The following ASXL3 variants were observed in gnomAD, a reference collection of about 807,000 sequenced individuals.
ASXL3 encodes putative Polycomb group protein ASXL3.
A neutral mutation model predicts 170.6 loss-of-function variants in ASXL3; 34 were observed. That is an observed-to-expected ratio of 0.20 (90% CI 0.15 to 0.27). ASXL3 has a LOEUF of 0.27. Ranked by LOEUF, ASXL3 falls within the 10% of genes least tolerant of loss-of-function variation. The pLI is 1.00. For missense variants in ASXL3, 2,592 were observed against 2,695.3 expected (o/e 0.96, Z 0.85); for synonymous variants, 1,002 against 989.1 (o/e 1.01, Z -0.24).
intron 2 of ASXL3, chr18:33,608,939 C>A (rs563984839): frequency 5.6e-6 from 4 of 711,626 alleles, no homozygotes; most frequent in African/African-American, 1.9e-5. Flanking sequence ...GTACAGGACA[C>A]CTATGCTCAA....
At chr18:33,617,944 T>A (rs564869173) in intron 2 of ASXL3, among the ~76,000 whole-genome samples, 1 of 152,266 alleles carries the variant, frequency 6.6e-6, no homozygotes, top group African/African-American at 2.4e-5. Flanking sequence ...AGTGGAGCTC[T>A]TCTCTTCCTC....
At position 33,745,529 on chromosome 18, in the gene ASXL3, T is replaced by G; in HGVS notation, c.5681T>G (p.Val1894Gly). 1 of 1,613,764 alleles carries G rather than the reference T, an allele frequency of 6.2e-7. No individual in the cohort carries two copies. Among genetic ancestry groups the G allele is most frequent in the Non-Finnish European group, 8.5e-7 (1 of 1,179,842 alleles). The part of the protein sequence containing the change: ...MQNRIVHSPE[V>G]KQQKRLLPSC... The stretch of plus-strand genomic sequence containing the variant: ...AACAGAATTGTTCACAGCCCTGAGG[T>G]CAAACAGCAAAAGCGGCTGCTCCCC... Residue 1894 changes from valine to glycine, a missense_variant, in exon 12 of 12, where the codon GTC becomes GGC. This residue lies in a region of ASXL3 where 2,246 missense variants were observed against 2,219.6 expected (regional missense o/e 1.01). Transcript: ENST00000269197.
At chr18:33,678,700 A>G (rs1040506348) in intron 7 of ASXL3, among the ~76,000 whole-genome samples, 2 of 152,214 alleles carry the variant, frequency 1.3e-5, no homozygotes, top group Admixed American at 6.5e-5. Flanking sequence ...AAATGACTAC[A>G]TCTTTTTTCC....
intron 8 of ASXL3, among the ~76,000 whole-genome samples, chr18:33,727,596 A>C (rs2067372701): frequency 6.6e-6 from 1 of 152,142 alleles, no homozygotes; most frequent in African/African-American, 2.4e-5. Flanking sequence ...TTCTCCTCCT[A>C]ATGAAATAGG....
In ASXL3 at chr18:33,744,316, T is replaced by C. The variant is rs763012211; in HGVS notation, c.4468T>C (p.Ser1490Pro). The stretch of plus-strand genomic sequence containing the variant: ...GACCTCCAGTTTGTCTCTGACTGTC[T>C]CCGTTGAAAGCTCAGAAGCCAGCTT... ...TLTSSLSLTV[S>P]VESSEASLDL... is the part of the protein sequence containing the mutation. The change falls in exon 12 of 12, where the codon TCC (serine) becomes CCC (proline). Residue 1490 changes from serine to proline, a missense_variant. Ser to Pro is a moderately conservative substitution (Grantham distance 74). Transcript: ENST00000269197. 2 of 1,613,870 alleles carry C rather than the reference T, an allele frequency of 1.2e-6. No homozygotes were observed. The highest frequency in any genetic ancestry group is 2.7e-5 in the African/African-American group (2 of 74,920).
At chr18:33,618,739 T>C (rs904243317) in intron 2 of ASXL3, among the ~76,000 whole-genome samples, 1 of 152,166 alleles carries the variant, frequency 6.6e-6, no homozygotes, top group African/African-American at 2.4e-5. Context: ...TTCAGCCTCT[T>C]CTCTGTGAAG....
Position 33,736,445 on chromosome 18 carries a change from C to T in ASXL3, c.1082+2030C>T, listed in dbSNP as rs374947113. Among the ~76,000 whole-genome samples the T allele has an allele frequency of 9.7e-4, 147 of 152,162 alleles. 3 individuals carry two copies. Among genetic ancestry groups the T allele is most frequent in the African/African-American group, 3.1e-3 (129 of 41,512 alleles). On this transcript the variant is annotated intron_variant, in intron 10 of 11. Transcript: ENST00000269197. ...TTCATCACATGTTGCATGGCAGATA[C>T]ATTTTGAACATTTCATTGACTGCCC...
rs567969303 is a variant in ASXL3, at chr18:33,590,111, G to GTTTTTTTTTTTT, written c.54+11434_54+11445dup. Among the ~76,000 whole-genome samples the GTTTTTTTTTTTT allele has an allele frequency of 1.3e-3, 106 of 83,132 alleles. 4 individuals carry two copies. The highest frequency in any genetic ancestry group is 6.9e-3 in the African/African-American group (100 of 14,502). The allele number at this position is 83,132 out of a possible 152,430, so 54.5% of individuals were successfully genotyped here. ...TGTCGTCAAGGTATTTGCTTTCTAT[G>GTTTTTTTTTTTT]TTTTTTTTTTTTTTTTTTTGCTTTG... On this transcript the variant is annotated intron_variant, in intron 1 of 11. Coordinates refer to ENST00000269197, the MANE Select transcript of ASXL3 (RefSeq NM_030632.3).
At chr18:33,585,315 T>C (rs556593284) in intron 1 of ASXL3, among the ~76,000 whole-genome samples, 1 of 152,076 alleles carries the variant, frequency 6.6e-6, no homozygotes, top group South Asian at 2.1e-4. Context: ...CCCTGCACAG[T>C]TGGTAGCTGC....
intron 2 of ASXL3, among the ~76,000 whole-genome samples, chr18:33,637,589 A>G (rs2065787317): frequency 6.6e-6 from 1 of 152,176 alleles, no homozygotes; most frequent in Non-Finnish European, 1.5e-5. Flanking sequence ...CATACCAGAT[A>G]TAATTACAAT....
chr18:33,685,909 G>C (rs1599492765), intron 8 of ASXL3, among the ~76,000 whole-genome samples: 1 of 152,122 alleles, frequency 6.6e-6, no homozygotes, highest in African/African-American at 2.4e-5. Context: ...CTCCCACTAG[G>C]CCCACCGCCA....
intron 8 of ASXL3, among the ~76,000 whole-genome samples, chr18:33,694,990 T>C (rs1222614737): frequency 6.6e-6 from 1 of 152,190 alleles, no homozygotes; most frequent in African/African-American, 2.4e-5. Context: ...ACGCAGCCTT[T>C]ATAAATGCAA....
Position 33,746,815 on chromosome 18 carries a change from C to A in ASXL3, c.*220C>A. On this transcript the variant is annotated 3_prime_UTR_variant, in exon 12 of 12. Coordinates refer to ENST00000269197, the MANE Select transcript of ASXL3 (RefSeq NM_030632.3). ...GCATGTCTTTTATGTGTTCAGTTGC[C>A]ATTCCTAGCTTTGGAAAGTTTCTAT... The A allele has an allele frequency of 1.5e-6, 1 of 666,372 alleles. No individual in the cohort carries two copies. The highest frequency in any genetic ancestry group is 2.3e-6 in the Non-Finnish European group (1 of 443,152). 41.3% of individuals were successfully genotyped at this position (666,372 alleles called of 1,614,324 possible). A position where few individuals can be genotyped will look rare whatever the true frequency, so the allele number is the denominator to read the frequency against.
intron 8 of ASXL3, chr18:33,690,434 T>A (rs1014627200): frequency 2.6e-5 from 4 of 152,236 alleles, no homozygotes; most frequent in Non-Finnish European, 1.5e-5. Flanking sequence ...TATGTGTGTG[T>A]GAATGCTTCC....
Position 33,738,549 on chromosome 18 carries a change from A to G in ASXL3, c.1145A>G (p.Gln382Arg). The G allele has an allele frequency of 6.2e-7, 1 of 1,613,110 alleles. No homozygotes were observed. The highest frequency in any genetic ancestry group is 8.5e-7 in the Non-Finnish European group (1 of 1,179,142). The part of the protein sequence containing the change: ...LTTGPNNAGA[Q>R]SSSSCGTSGL... ...ACTGGACCAAACAACGCTGGAGCTCAAAGTAGTTCTTCATGTGGGACTTCT... is the reference window on the plus strand; with the variant it reads ...ACTGGACCAAACAACGCTGGAGCTCGAAGTAGTTCTTCATGTGGGACTTCT... The change falls in exon 11 of 12, where the codon CAA becomes CGA. Residue 382 changes from glutamine (Q) to arginine (R), a missense_variant. Around this residue, in one of 4 missense-constraint regions of ASXL3, gnomAD observed 2,246 missense variants for 2,219.6 expected, o/e 1.01. Transcript: ENST00000269197.
rs2282632 is a variant in ASXL3, at chr18:33,740,265, A to G, written c.2861A>G (p.Asn954Ser). Residue 954 changes from asparagine to serine, a missense_variant, in exon 11 of 12, where the codon AAT becomes AGT. Coordinates refer to ENST00000269197, the MANE Select transcript of ASXL3 (RefSeq NM_030632.3). ...TCCAAGTCACCTGATGGGATAAGAA[A>G]TGAAAGTAGAGATTCAGAGATATCA... ...EPSKSPDGIR[N>S]ESRDSEISKR... 877,164 of 1,612,424 alleles carry G rather than the reference A, an allele frequency of 0.54. 246,547 individuals are homozygous for G. Among genetic ancestry groups the G allele is most frequent in the East Asian group, 0.91 (40,659 of 44,832 alleles).
At chr18:33,605,492 A>G (rs2065237089) in intron 1 of ASXL3, 1 of 151,958 alleles carries the variant, frequency 6.6e-6, no homozygotes, top group East Asian at 1.9e-4. Context: ...CCTGCCTCTC[A>G]TCCACTTCAT....
chr18:33,661,350 T>A (rs1232425028), intron 4 of ASXL3, among the ~76,000 whole-genome samples: 1 of 152,198 alleles, frequency 6.6e-6, no homozygotes, highest in Non-Finnish European at 1.5e-5. Flanking sequence ...CTATTTTTTA[T>A]GTCCATACAA....
intron 1 of ASXL3, among the ~76,000 whole-genome samples, chr18:33,588,395 A>G (rs796402426): frequency 1.1e-4 from 16 of 151,274 alleles, no homozygotes; most frequent in African/African-American, 3.2e-4. Context: ...AGTATTTCAT[A>G]TAATCAAAAA....
Sources: gnomAD v4.1 joint callset for allele counts (sites outside exome capture counted in the v4.1 genomes callset) on GRCh38, gnomAD v4.1.1 for gene constraint, gnomAD v4.1.1 regional missense constraint, MANE v1.5 for transcripts, NCBI Gene and HGNC (gene_info 2026-07-23, HGNC 2026-07-21) for gene names.